Variants in RNF220 observed in about 807,000 individuals in gnomAD.
RNF220 encodes the protein ring finger protein 220.
RNF220 carries 7 observed loss-of-function variants against 67.1 expected under a neutral mutation model. The observed-to-expected ratio is 0.10, with a 90% CI of 0.06 to 0.20. The LOEUF is 0.20. Ranked by LOEUF, RNF220 falls within the 10% of genes least tolerant of loss-of-function variation. The pLI is 1.00. For synonymous variants in RNF220, 270 were observed against 283.2 expected (o/e 0.95, Z 0.47); for missense variants, 565 against 740.3 (o/e 0.76, Z 2.75).
chr1:44,425,945 A>G (rs944886319), intron 2 of RNF220, among the ~76,000 whole-genome samples: 1 of 152,204 alleles, frequency 6.6e-6, no homozygotes, highest in African/African-American at 2.4e-5. Context: ...TACAGAAGAC[A>G]GTCTGTGTTC....
intron 2 of RNF220, among the ~76,000 whole-genome samples, chr1:44,559,643 G>A (rs1449577952): frequency 6.6e-6 from 1 of 152,172 alleles, no homozygotes; most frequent in Non-Finnish European, 1.5e-5. Context: ...AGATGAGCAG[G>A]CCTGTTAGGA....
At position 44,651,331 on chromosome 1, in the gene RNF220, G is replaced by A. The variant is rs1445288611; in HGVS notation, c.*556G>A. On this transcript the variant is annotated 3_prime_UTR_variant, in exon 15 of 15. Transcript: ENST00000361799. ...TGGGGTACCTGCCTCTCTCTCTCCT[G>A]TGGTGTCCCTTCCCTCTCCCATGTG... 4 of 173,152 alleles carry A rather than the reference G, an allele frequency of 2.3e-5. No homozygotes were observed. Among genetic ancestry groups the A allele is most frequent in the Admixed American group, 1.1e-4 (2 of 18,374 alleles). The allele number at this position is 173,152 out of a possible 1,614,324, so 10.7% of individuals were successfully genotyped here.
chr1:44,505,640 G>A (rs1296870653), intron 2 of RNF220, among the ~76,000 whole-genome samples: 1 of 152,198 alleles, frequency 6.6e-6, no homozygotes, highest in Non-Finnish European at 1.5e-5. Context: ...CATGCGGGTA[G>A]CACCAGGCTG....
chr1:44,604,288 C>G (rs1279245964), intron 2 of RNF220, among the ~76,000 whole-genome samples: 3 of 152,204 alleles, frequency 2.0e-5, no homozygotes, highest in African/African-American at 7.2e-5. Context: ...GAATCAGGCC[C>G]TTCACTGTAG....
chr1:44,619,875 G>A (rs997966745), intron 3 of RNF220, among the ~76,000 whole-genome samples: 3 of 152,272 alleles, frequency 2.0e-5, no homozygotes, highest in South Asian at 2.1e-4. Context: ...GATAGGGAGG[G>A]GGTCCCTTGC....
chr1:44,644,820 G>A, intron 9 of RNF220, 26 bp downstream of exon 9: 1 of 1,591,134 alleles, frequency 6.3e-7, no homozygotes, highest in Non-Finnish European at 8.6e-7. Context: ...TATGGGGGCT[G>A]GTGGGGCTGA....
intron 2 of RNF220, among the ~76,000 whole-genome samples, chr1:44,575,693 A>G (rs1288447970): frequency 6.6e-6 from 1 of 152,234 alleles, no homozygotes; most frequent in East Asian, 1.9e-4. Context: ...TCTTATACAC[A>G]GTTGGTGGGA....
At chr1:44,637,168 G>A (rs796435054) in intron 8 of RNF220, among the ~76,000 whole-genome samples, 19 of 152,338 alleles carry the variant, frequency 1.2e-4, no homozygotes, top group African/African-American at 4.6e-4. Context: ...CGTGCTACCT[G>A]GGCAGATGCT....
intron 2 of RNF220, among the ~76,000 whole-genome samples, chr1:44,548,495 T>C (rs1270900371): frequency 1.3e-5 from 2 of 152,018 alleles, no homozygotes; most frequent in East Asian, 3.9e-4. Flanking sequence ...AATTCTTCTT[T>C]TCTTTTTTTT....
At chr1:44,517,323 G>A (rs1242284072) in intron 2 of RNF220, among the ~76,000 whole-genome samples, 1 of 151,958 alleles carries the variant, frequency 6.6e-6, no homozygotes, top group Non-Finnish European at 1.5e-5. Flanking sequence ...ATCTCTCCTC[G>A]GGGTCTTTCA....
intron 2 of RNF220, among the ~76,000 whole-genome samples, chr1:44,468,338 C>T (rs1042730500): frequency 2.6e-5 from 4 of 152,094 alleles, no homozygotes; most frequent in African/African-American, 9.7e-5. Flanking sequence ...TATCTATCAG[C>T]TCTTCCTGTA....
chr1:44,505,405 G>A (rs539610965), intron 2 of RNF220, among the ~76,000 whole-genome samples: 9 of 152,304 alleles, frequency 5.9e-5, no homozygotes, highest in Admixed American at 5.9e-4. Flanking sequence ...TTGGCTCTAC[G>A]TGGGCTCCTG....
At chr1:44,639,828 G>A (rs1380984033) in intron 8 of RNF220, among the ~76,000 whole-genome samples, 5 of 152,032 alleles carry the variant, frequency 3.3e-5, no homozygotes, top group Middle Eastern at 3.4e-3. Context: ...TTTCACCCAG[G>A]CTGGAGGCTA....
intron 2 of RNF220, among the ~76,000 whole-genome samples, chr1:44,502,285 G>A (rs527593137): frequency 3.2e-4 from 48 of 152,188 alleles, no homozygotes; most frequent in African/African-American, 1.1e-3. Context: ...GAGTCTACTG[G>A]GGCAGTCAGT....
At chr1:44,463,081 A>G (rs1362325260) in intron 2 of RNF220, among the ~76,000 whole-genome samples, 1 of 152,216 alleles carries the variant, frequency 6.6e-6, no homozygotes, top group Non-Finnish European at 1.5e-5. Context: ...TCACGCCTGT[A>G]ATCCCAGCAC....
chr1:44,488,199 G>A (rs1159105448), intron 2 of RNF220, among the ~76,000 whole-genome samples: 3 of 148,866 alleles, frequency 2.0e-5, no homozygotes, highest in African/African-American at 5.0e-5. Flanking sequence ...TCAGTGGCAC[G>A]ATCTCGGCTC....
chr1:44,497,581 G>T (rs1275577105), intron 2 of RNF220, among the ~76,000 whole-genome samples: 5 of 152,152 alleles, frequency 3.3e-5, no homozygotes, highest in Non-Finnish European at 7.3e-5. Flanking sequence ...TCACCACCAT[G>T]TGATAATCCT....
chr1:44,481,452 C>T (rs757127386), intron 2 of RNF220, among the ~76,000 whole-genome samples: 9 of 152,046 alleles, frequency 5.9e-5, no homozygotes, highest in African/African-American at 1.7e-4. Context: ...AACCAAACAC[C>T]GCATGTTCTT....
intron 2 of RNF220, among the ~76,000 whole-genome samples, chr1:44,497,291 T>C (rs1657421554): frequency 6.6e-6 from 1 of 151,812 alleles, no homozygotes; most frequent in Non-Finnish European, 1.5e-5. Flanking sequence ...TTCATAAGGG[T>C]CTTCATGGTT....
Sources: allele counts gnomAD v4.1 joint callset (sites outside exome capture counted in the v4.1 genomes callset), GRCh38; gene constraint gnomAD v4.1.1; transcripts MANE v1.5; gene names NCBI Gene and HGNC (gene_info 2026-07-23, HGNC 2026-07-21).